Variants in AFG2A observed in about 807,000 individuals in gnomAD.
The protein encoded by AFG2A is ATPase family gene 2 protein homolog A.
chr4:123,190,029 G>A, the AFG2A span, among the ~76,000 whole-genome samples: 183 of 151,648 alleles, frequency 1.2e-3, no homozygotes, highest in Non-Finnish European at 2.1e-3. Flanking sequence ...TGAACTTCTG[G>A]AATCAATTGA....
the AFG2A span, chr4:122,947,149 T>C: frequency 7.4e-7 from 1 of 1,350,432 alleles, no homozygotes; most frequent in Non-Finnish European, 9.8e-7. Flanking sequence ...TGTTTCATCC[T>C]TGTCTATACA....
the AFG2A span, among the ~76,000 whole-genome samples, chr4:123,269,326 T>C: frequency 6.6e-6 from 1 of 152,184 alleles, no homozygotes; most frequent in East Asian, 1.9e-4. Context: ...CACAGAGCAG[T>C]TTAAAAACTG....
At chr4:122,976,744 A>G in the AFG2A span, among the ~76,000 whole-genome samples, 5 of 152,194 alleles carry the variant, frequency 3.3e-5, no homozygotes, top group African/African-American at 1.2e-4. Context: ...GTTTGCTTGC[A>G]GGTGTTTTCC....
chr4:123,068,048 G>A, the AFG2A span, among the ~76,000 whole-genome samples: 2 of 152,158 alleles, frequency 1.3e-5, no homozygotes, highest in African/African-American at 2.4e-5. Context: ...GGAAAAGAGA[G>A]TTAATGCTTT....
chr4:123,301,858 A>C, the AFG2A span, among the ~76,000 whole-genome samples: 1 of 152,208 alleles, frequency 6.6e-6, no homozygotes, highest in Non-Finnish European at 1.5e-5. Flanking sequence ...AGAATGGGAA[A>C]GTAGTGAAAG....
At chr4:123,113,270 T>G in the AFG2A span, among the ~76,000 whole-genome samples, 1 of 152,240 alleles carries the variant, frequency 6.6e-6, no homozygotes, top group Non-Finnish European at 1.5e-5. Context: ...TGGAGAGGGC[T>G]GCTTGCTTTA....
chr4:122,998,494 A>T, the AFG2A span, among the ~76,000 whole-genome samples: 1 of 150,544 alleles, frequency 6.6e-6, no homozygotes. Flanking sequence ...CCAGAGTGTG[A>T]TGTTCCCCTT....
chr4:123,179,644 G>A, the AFG2A span, among the ~76,000 whole-genome samples: 4 of 152,168 alleles, frequency 2.6e-5, no homozygotes, highest in Non-Finnish European at 4.4e-5. Context: ...GATTACAGGC[G>A]TGAGCCACTG....
chr4:123,258,032 T>C, the AFG2A span, among the ~76,000 whole-genome samples: 33 of 152,352 alleles, frequency 2.2e-4, no homozygotes, highest in South Asian at 1.2e-3. Context: ...TGAGATCTTC[T>C]GAAAATCGTC....
At chr4:123,250,386 G>A in the AFG2A span, among the ~76,000 whole-genome samples, 2 of 152,138 alleles carry the variant, frequency 1.3e-5, no homozygotes, top group Non-Finnish European at 2.9e-5. Flanking sequence ...TGCAGTGTAA[G>A]CTGTGGATAT....
At chr4:123,244,023 A>C in the AFG2A span, among the ~76,000 whole-genome samples, 2 of 152,124 alleles carry the variant, frequency 1.3e-5, no homozygotes, top group African/African-American at 4.8e-5. Context: ...CCCCATCTCA[A>C]ATAAATAAAT....
chr4:123,012,804 G>A, the AFG2A span, among the ~76,000 whole-genome samples: 4 of 152,140 alleles, frequency 2.6e-5, no homozygotes, highest in South Asian at 2.1e-4. Context: ...GCCGCTTACC[G>A]ACTTTAAAAT....
chr4:123,203,487 A>T, the AFG2A span, among the ~76,000 whole-genome samples: 4 of 152,134 alleles, frequency 2.6e-5, no homozygotes, highest in African/African-American at 9.7e-5. Flanking sequence ...CGTGTTGGCC[A>T]GGCTGGTCTT....
chr4:123,301,932 A>G, the AFG2A span, among the ~76,000 whole-genome samples: 1 of 152,232 alleles, frequency 6.6e-6, no homozygotes, highest in Non-Finnish European at 1.5e-5. Flanking sequence ...CCCACCAAAT[A>G]TGCCACACAA....
chr4:123,306,873 A>G, the AFG2A span, among the ~76,000 whole-genome samples: 2 of 152,238 alleles, frequency 1.3e-5, no homozygotes, highest in African/African-American at 4.8e-5. Flanking sequence ...AGCAAAAGCA[A>G]TCTTGCTGGT....
the AFG2A span, among the ~76,000 whole-genome samples, chr4:123,156,797 T>A: frequency 1.9e-4 from 28 of 151,262 alleles, no homozygotes; most frequent in Middle Eastern, 3.4e-3. Flanking sequence ...GAAACTCCTG[T>A]TCTTAATGAT....
the AFG2A span, among the ~76,000 whole-genome samples, chr4:123,094,296 C>T: frequency 3.3e-5 from 5 of 152,052 alleles, no homozygotes; most frequent in African/African-American, 7.2e-5. Flanking sequence ...TTCCAAGAGC[C>T]GGGGTGGCAT....
the AFG2A span, among the ~76,000 whole-genome samples, chr4:122,999,110 C>T: frequency 7.1e-6 from 1 of 141,824 alleles, no homozygotes; most frequent in Non-Finnish European, 1.5e-5. Flanking sequence ...TAAATGTCTT[C>T]TTTTGAGAAG....
the AFG2A span, among the ~76,000 whole-genome samples, chr4:122,951,831 A>G: frequency 1.8e-4 from 28 of 152,216 alleles, no homozygotes; most frequent in African/African-American, 6.3e-4. Flanking sequence ...TTGGGCGGTC[A>G]GACATTGGGC....
Sources: gnomAD v4.1 joint callset for allele counts (sites outside exome capture counted in the v4.1 genomes callset) on GRCh38, gnomAD v4.1.1 for gene constraint, MANE v1.5 for transcripts, NCBI Gene and HGNC (gene_info 2026-07-23, HGNC 2026-07-21) for gene names.